Variants in USP12 observed in about 807,000 individuals in gnomAD.
The protein encoded by USP12 is ubiquitin carboxyl-terminal hydrolase 12.
Under a neutral mutation model 45.5 loss-of-function variants are expected in USP12, and 19 were observed. That is an observed-to-expected ratio of 0.42 (90% CI 0.29 to 0.61). USP12 has a LOEUF of 0.61. Ranked by LOEUF, USP12 falls within the 20% of genes least tolerant of loss-of-function variation. The pLI, the probability that USP12 is intolerant of heterozygous loss-of-function variation, is 0.22. For missense variants in USP12, 242 were observed against 447.7 expected (o/e 0.54, Z 4.15); for synonymous variants, 149 against 148.8 (o/e 1.00, Z -0.01).
chr13:27,161,035 C>T (rs936285685), intron 1 of USP12, among the ~76,000 whole-genome samples: 8 of 152,258 alleles, frequency 5.3e-5, no homozygotes, highest in East Asian at 1.9e-4. Context: ...ACCTTCTAAA[C>T]ATTATATCCC....
intron 1 of USP12, among the ~76,000 whole-genome samples, chr13:27,160,790 T>G (rs58131407): frequency 0.029 from 4,460 of 152,038 alleles, 130 homozygotes; most frequent in African/African-American, 0.075. Context: ...TCTTTTTTTT[T>G]TTTTTCCCCC....
rs181867164 is a variant in USP12, at chr13:27,159,937, A to G, written c.48+11655T>C. Among the ~76,000 whole-genome samples the G allele has an allele frequency of 1.7e-3, 261 of 152,340 alleles. 1 individual carries two copies. Among genetic ancestry groups the G allele is most frequent in the African/African-American group, 5.9e-3 (246 of 41,584 alleles). On this transcript the variant is annotated intron_variant, in intron 1 of 8. Transcript: ENST00000282344. ...AAAGTAGACTATTAAAGCAACTAAC[A>G]TCTGGGATGAAAATGTGTAACAGAA...
chr13:27,148,894 G>A (rs1276953101), intron 1 of USP12, among the ~76,000 whole-genome samples: 2 of 150,954 alleles, frequency 1.3e-5, no homozygotes, highest in African/African-American at 4.9e-5. Flanking sequence ...AATAAAAATT[G>A]TATTTATGGG....
intron 1 of USP12, among the ~76,000 whole-genome samples, chr13:27,118,120 C>T (rs932935275): frequency 7.3e-5 from 11 of 151,374 alleles, no homozygotes; most frequent in Non-Finnish European, 1.2e-4. Context: ...TGGTCAACAA[C>T]GCACCAGTAC....
At chr13:27,080,809 T>C (rs1873717629) in intron 6 of USP12, among the ~76,000 whole-genome samples, 1 of 152,184 alleles carries the variant, frequency 6.6e-6, no homozygotes, top group African/African-American at 2.4e-5. Flanking sequence ...ATGCTTATAC[T>C]ATACTGTAGT....
At chr13:27,128,533 A>T (rs1876347972) in intron 1 of USP12, among the ~76,000 whole-genome samples, 1 of 152,226 alleles carries the variant, frequency 6.6e-6, no homozygotes, top group African/African-American at 2.4e-5. Flanking sequence ...TACCTAAGGC[A>T]AAAAGGGTGG....
chr13:27,101,973 C>T lies in USP12; in HGVS notation c.343+3758G>A, dbSNP rs9652088. Among the ~76,000 whole-genome samples, 496 of 152,048 alleles carry T rather than the reference C, an allele frequency of 3.3e-3. 2 individuals are homozygous for T. The highest frequency in any genetic ancestry group is 6.0e-3 in the Non-Finnish European group (411 of 67,992). ...TCTATCTCATCCCTAGGACTGACAA[C>T]CGTGCCTGCCACATAATGAGATGTA... On this transcript the variant is annotated intron_variant, in intron 3 of 8. Transcript: ENST00000282344.
At chr13:27,144,858 G>A (rs1877240937) in intron 1 of USP12, among the ~76,000 whole-genome samples, 3 of 150,444 alleles carry the variant, frequency 2.0e-5, no homozygotes, top group Admixed American at 2.0e-4. Context: ...CCAGGAGTTC[G>A]AGACCAGCCC....
At chr13:27,149,281 TCTTA>T (rs1345883664) in intron 1 of USP12, among the ~76,000 whole-genome samples, 11 of 152,136 alleles carry the variant, frequency 7.2e-5, no homozygotes, top group Non-Finnish European at 1.5e-4. Flanking sequence ...ACAGCTAATA[TCTTA>T]CTTAATAGCG....
At chr13:27,133,105 T>G (rs575835386) in intron 1 of USP12, among the ~76,000 whole-genome samples, 2 of 152,354 alleles carry the variant, frequency 1.3e-5, no homozygotes, top group African/African-American at 4.8e-5. Context: ...CTACTAGCTG[T>G]TGTCTCTCTA....
At chr13:27,116,680 A>G in intron 1 of USP12, 84 bp from the exon 2 acceptor site, 2 of 1,279,620 alleles carry the variant, frequency 1.6e-6, no homozygotes, top group Non-Finnish European at 2.2e-6. Flanking sequence ...AGGCCGCAAC[A>G]TGATGGTCCT....
chr13:27,171,278 C>G (rs1878592967), intron 1 of USP12, among the ~76,000 whole-genome samples: 1 of 150,132 alleles, frequency 6.7e-6, no homozygotes, highest in Admixed American at 6.6e-5. Context: ...CGGACCCCAG[C>G]AGTTCAGCCG....
chr13:27,100,540 T>C (rs536060462), intron 3 of USP12, among the ~76,000 whole-genome samples: 1 of 152,264 alleles, frequency 6.6e-6, no homozygotes, highest in East Asian at 1.9e-4. Flanking sequence ...CCTGATTCAG[T>C]TTCTCTCTCC....
At chr13:27,121,581 G>C (rs927090217) in intron 1 of USP12, among the ~76,000 whole-genome samples, 2 of 152,198 alleles carry the variant, frequency 1.3e-5, no homozygotes, top group African/African-American at 4.8e-5. Flanking sequence ...AAGATATTAA[G>C]GCAGGCGTGG....
intron 1 of USP12, among the ~76,000 whole-genome samples, chr13:27,156,537 T>TG (rs1176892251): frequency 7.2e-5 from 11 of 152,102 alleles, no homozygotes; most frequent in South Asian, 2.1e-4. Flanking sequence ...AGAAAGAGGC[T>TG]GGGGGGGCAG....
chr13:27,146,700 C>T (rs1260427513), intron 1 of USP12, among the ~76,000 whole-genome samples: 1 of 152,162 alleles, frequency 6.6e-6, no homozygotes, highest in African/African-American at 2.4e-5. Context: ...TTTCAGAAGG[C>T]ACTTAAGATG....
chr13:27,141,181 AATTTTTGT>A (rs917609388), intron 1 of USP12, among the ~76,000 whole-genome samples: 50 of 152,022 alleles, frequency 3.3e-4, no homozygotes, highest in African/African-American at 1.2e-3. Context: ...ATGCCTGGCT[AATTTTTGT>A]ATTTTTAGTG....
At chr13:27,105,097 C>T (rs1180929603) in intron 3 of USP12, among the ~76,000 whole-genome samples, 3 of 152,080 alleles carry the variant, frequency 2.0e-5, no homozygotes, top group Admixed American at 1.3e-4. Flanking sequence ...TCAGTTATTT[C>T]ATAGGGTGAT....
At chr13:27,158,342 G>A (rs1250822572) in intron 1 of USP12, among the ~76,000 whole-genome samples, 1 of 152,164 alleles carries the variant, frequency 6.6e-6, no homozygotes, top group Non-Finnish European at 1.5e-5. Context: ...AGCCCTCAGA[G>A]GGAACCAACC....
Sources: allele counts gnomAD v4.1 joint callset (sites outside exome capture counted in the v4.1 genomes callset), GRCh38; gene constraint gnomAD v4.1.1; transcripts MANE v1.5; gene names NCBI Gene and HGNC (gene_info 2026-07-23, HGNC 2026-07-21).